The following FBXL5 variants were observed in gnomAD, a reference collection of about 807,000 sequenced individuals.
FBXL5 encodes the protein F-box/LRR-repeat protein 5.
Under a neutral mutation model 78.3 loss-of-function variants are expected in FBXL5, and 26 were observed. That is an observed-to-expected ratio of 0.33 (90% CI 0.24 to 0.46). The LOEUF (loss-of-function observed/expected upper bound fraction) is 0.46. FBXL5 is among the 20% of genes least tolerant of loss of function. The pLI, the probability that FBXL5 is intolerant of heterozygous loss-of-function variation, is 1.00. For synonymous variants in FBXL5, 295 were observed against 282.5 expected (o/e 1.04, Z -0.45); for missense variants, 710 against 829.2 (o/e 0.86, Z 1.77).
At chr4:15,626,201 T>A (rs528024706) in intron 8 of FBXL5, among the ~76,000 whole-genome samples, 5 of 152,012 alleles carry the variant, frequency 3.3e-5, no homozygotes, top group Non-Finnish European at 7.4e-5. Context: ...AACAGAAGGG[T>A]AGGATTTGAG....
intron 9 of FBXL5, among the ~76,000 whole-genome samples, chr4:15,624,434 T>C (rs1351313159): frequency 6.6e-6 from 1 of 152,100 alleles, no homozygotes; most frequent in Non-Finnish European, 1.5e-5. Context: ...AAGTCTGCCA[T>C]GCTCCCAAGT....
At position 15,640,872 on chromosome 4, in the gene FBXL5, T is replaced by C. The variant is rs748791716; in HGVS notation, c.312A>G (p.Glu104=). 3 of 1,484,038 alleles carry C rather than the reference T, an allele frequency of 2.0e-6. No individual in the cohort carries two copies. The highest frequency in any genetic ancestry group is 1.8e-6 in the Non-Finnish European group (2 of 1,112,126). The allele number at this position is 1,484,038 out of a possible 1,614,324, so 91.9% of individuals were successfully genotyped here. A position where few individuals can be genotyped will look rare whatever the true frequency, so the allele number is the denominator to read the frequency against. ...TCAGTTGTTTTGCATAATTTAACTG[T>C]TCATATTCATTCTGGAAACCAAAAA... is the stretch of plus-strand genomic sequence containing the variant. ...KGLKNVKNEY[E]QLNYAKQLKE... Residue 104 remains glutamate, a synonymous_variant, in exon 3 of 11, where the codon GAA becomes GAG. Transcript: ENST00000341285.
Position 15,640,787 on chromosome 4 carries a change from C to T in FBXL5, c.396+1G>A. 2.0e-6 allele frequency: 3 copies of T among 1,483,372 alleles called. No individual in the cohort carries two copies. The highest frequency in any genetic ancestry group is 2.7e-6 in the Non-Finnish European group (3 of 1,095,664). The allele number at this position is 1,483,372 out of a possible 1,614,324, so 91.9% of individuals were successfully genotyped here. On this transcript the variant is annotated splice_donor_variant, in intron 3 of 10. Coordinates refer to ENST00000341285, the MANE Select transcript of FBXL5 (RefSeq NM_012161.4). LOFTEE classifies it high-confidence loss of function. ...AATCACGAAAGAAAAATTATGCTTA[C>T]CTCCTCTTCCTCTTTCATGTGAGGA...
upstream of FBXL5, among the ~76,000 whole-genome samples, chr4:15,658,986 C>T (rs1380013139): frequency 6.6e-6 from 1 of 152,168 alleles, no homozygotes; most frequent in African/African-American, 2.4e-5. Flanking sequence ...AATTTCCCAG[C>T]TTTTAAACTC....
At chr4:15,660,712 A>C (rs1717265160), upstream of FBXL5, among the ~76,000 whole-genome samples, 1 of 152,224 alleles carries the variant, frequency 6.6e-6, no homozygotes, top group Non-Finnish European at 1.5e-5. Flanking sequence ...TTAATCTACA[A>C]CATGTGTAAA....
rs755982428 is a variant in FBXL5 at position 15,618,046 on chromosome 4, AAAGAT to A, written c.1851-5637_1851-5633del. On this transcript the variant is annotated intron_variant, in intron 9 of 10. Coordinates refer to ENST00000341285, the MANE Select transcript of FBXL5 (RefSeq NM_012161.4). ...CCAAAGTAGCAGGAGGGGAAACAAT[AAAGAT>A]GAGAGCAAAAATTTTTTAAACGACA... Among the ~76,000 whole-genome samples the A allele has an allele frequency of 3.9e-5, 6 of 152,354 alleles. No homozygotes were observed. In the South Asian group the frequency reaches 1.2e-3, roughly 32 times the overall value.
At chr4:15,650,874 A>G (rs549401806) in intron 1 of FBXL5, among the ~76,000 whole-genome samples, 69 of 151,726 alleles carry the variant, frequency 4.5e-4, no homozygotes, top group Non-Finnish European at 9.1e-4. Context: ...CTCATGATCC[A>G]CCTGCCTCGG....
chr4:15,633,772 TG>T (rs1184640901), intron 5 of FBXL5, among the ~76,000 whole-genome samples: 2 of 152,162 alleles, frequency 1.3e-5, no homozygotes, highest in African/African-American at 4.8e-5. Context: ...TATTTGTATT[TG>T]TATTTTAGTA....
At chr4:15,637,377 AAAAATG>A (rs1714392488) in intron 4 of FBXL5, among the ~76,000 whole-genome samples, 1 of 152,248 alleles carries the variant, frequency 6.6e-6, no homozygotes, top group African/African-American at 2.4e-5. Flanking sequence ...TTTCCAAAAT[AAAAATG>A]AAAATGAAGT....
intron 2 of FBXL5, among the ~76,000 whole-genome samples, chr4:15,644,082 C>A (rs1715148907): frequency 6.6e-6 from 1 of 152,226 alleles, no homozygotes; most frequent in Admixed American, 6.5e-5. Context: ...AGTGAAAAAT[C>A]TCTCAGCCTT....
intron 1 of FBXL5, among the ~76,000 whole-genome samples, chr4:15,651,350 T>C (rs1373397538): frequency 6.6e-6 from 1 of 152,216 alleles, no homozygotes; most frequent in Non-Finnish European, 1.5e-5. Context: ...TAATTACTAA[T>C]TGAATGAGTT....
Position 15,630,677 on chromosome 4 carries a change from A to G in FBXL5, c.881T>C (p.Ile294Thr), listed in dbSNP as rs1270805113. The part of the protein sequence containing the change: ...AFHEWDEDAD[I>T]DESEESAEES... ...CCAAACAAGCTTACCAGATTCATCA[A>G]TGTCAGCATCTTCATCCCACTCATG... is the stretch of plus-strand genomic sequence containing the variant. Residue 294 changes from isoleucine to threonine, a missense_variant, in exon 6 of 11, where the codon ATT becomes ACT. Coordinates refer to ENST00000341285, the MANE Select transcript of FBXL5 (RefSeq NM_012161.4). The G allele has an allele frequency of 1.3e-6, 2 of 1,584,772 alleles. No homozygotes were observed. The highest frequency in any genetic ancestry group is 1.2e-5 in the South Asian group (1 of 85,118).
chr4:15,652,343 C>G (rs1430237058), intron 1 of FBXL5, among the ~76,000 whole-genome samples: 2 of 152,180 alleles, frequency 1.3e-5, no homozygotes, highest in African/African-American at 4.8e-5. Flanking sequence ...GGGTTTCCAT[C>G]TGAATCTACC....
chr4:15,605,976 G>C (rs547458517), intron 10 of FBXL5, among the ~76,000 whole-genome samples, 177 bp from the exon 11 acceptor site: 1 of 152,258 alleles, frequency 6.6e-6, no homozygotes, highest in East Asian at 1.9e-4. Flanking sequence ...ATAGCAGCTT[G>C]ACTTTAATTA....
At chr4:15,666,222 G>C (rs1395692900) in intron 1 of FBXL5, among the ~76,000 whole-genome samples, 3 of 152,004 alleles carry the variant, frequency 2.0e-5, no homozygotes, top group African/African-American at 7.2e-5. Flanking sequence ...AACATAAGTA[G>C]ACTCCACCAC....
At chr4:15,674,653 G>A (rs1717901957) in intron 1 of FBXL5, among the ~76,000 whole-genome samples, 1 of 150,090 alleles carries the variant, frequency 6.7e-6, no homozygotes, top group South Asian at 2.1e-4. Flanking sequence ...GGGATTTTTG[G>A]GTTTTTTTTT....
rs1304516548 is a variant in FBXL5, at chr4:15,615,151, C to G, written c.1851-2737G>C. 4.6e-5 allele frequency among the ~76,000 whole-genome samples: 7 copies of G among 152,278 alleles called. No homozygotes were observed. The East Asian group carries it at 1.4e-3, about 30-fold the overall frequency. ...TCACCGAGCCTTAGCTGCCTTCCTGCGGGGCAGGGCTCGGGACCTGCAGCC... is the reference window on the plus strand; with the variant it reads ...TCACCGAGCCTTAGCTGCCTTCCTGGGGGGCAGGGCTCGGGACCTGCAGCC... On this transcript the variant is annotated intron_variant, in intron 9 of 10. Transcript: ENST00000341285.
At chr4:15,616,114 GC>G (rs1360347630) in intron 9 of FBXL5, among the ~76,000 whole-genome samples, 1 of 151,604 alleles carries the variant, frequency 6.6e-6, no homozygotes, top group African/African-American at 2.4e-5. Context: ...TCACTCCTGA[GC>G]CAGCGAGACC....
chr4:15,620,652 A>C (rs1712380838), intron 9 of FBXL5, among the ~76,000 whole-genome samples: 1 of 152,254 alleles, frequency 6.6e-6, no homozygotes, highest in Non-Finnish European at 1.5e-5. Flanking sequence ...AGCCCCCCAA[A>C]ATCTGGCCAT....
Sources: gnomAD v4.1 joint callset for allele counts (sites outside exome capture counted in the v4.1 genomes callset) on GRCh38, gnomAD v4.1.1 for gene constraint, MANE v1.5 for transcripts, NCBI Gene and HGNC (gene_info 2026-07-23, HGNC 2026-07-21) for gene names.